The following APOL4 variants were observed in gnomAD, a reference collection of about 807,000 sequenced individuals.
APOL4 encodes the protein apolipoprotein L, 4.
Under a neutral mutation model 12.1 loss-of-function variants are expected in APOL4, and 14 were observed. That is an observed-to-expected ratio of 1.16 (90% CI 0.76 to 1.81). The LOEUF (loss-of-function observed/expected upper bound fraction) is 1.81, where lower values mean the gene tolerates loss of function less well. Among genes scored for constraint, APOL4 ranks in the 40% most tolerant of loss-of-function variants. APOL4 has a pLI of 0.00. For synonymous variants in APOL4, 171 were observed against 160.6 expected (o/e 1.06, Z -0.49); for missense variants, 432 against 423.1 (o/e 1.02, Z -0.18).
chr22:36,199,276 C>A (rs2014499559), intron 2 of APOL4, 54 bp downstream of exon 2: 3 of 1,608,822 alleles, frequency 1.9e-6, no homozygotes, highest in Non-Finnish European at 2.6e-6. Context: ...GGGTAGGAAC[C>A]AGCCAGGGAA....
chr22:36,204,677 C>A, upstream of APOL4: 1 of 737,308 alleles, frequency 1.4e-6, no homozygotes, highest in Non-Finnish European at 2.0e-6. Context: ...CTGGTCTGAG[C>A]TGTGTGGATC....
upstream of APOL4, chr22:36,202,060 G>A (rs771360530): frequency 1.4e-5 from 22 of 1,613,746 alleles, no homozygotes; most frequent in East Asian, 4.5e-5. Context: ...CTCCTCCTTG[G>A]GCAGGAAAAG....
Position 36,191,197 on chromosome 22 carries a change from A to G in APOL4, c.925T>C (p.Ser309Pro). Residue 309 changes from serine to proline, a missense_variant, in exon 4 of 4, where the codon TCA (serine) becomes CCA (proline). Ser to Pro is a moderately conservative substitution (Grantham distance 74). Transcript: ENST00000683024. ...TTTGCCCCCTTGTGCAAGTCCAGTG[A>G]GTCTTGCACAAGGTTGACTACATCC... ...VLDVVNLVQD[S>P]LDLHKGAKSE... is the part of the protein sequence containing the mutation. The G allele has an allele frequency of 1.2e-6, 2 of 1,613,836 alleles. No homozygotes were observed. Among genetic ancestry groups the G allele is most frequent in the Non-Finnish European group, 1.7e-6 (2 of 1,179,796 alleles).
At position 36,190,195 on chromosome 22, in the gene APOL4, G is replaced by A. The variant is rs1157475715; in HGVS notation, c.*880C>T. The A allele has an allele frequency of 7.9e-6, 1 of 127,204 alleles. No homozygotes were observed. The highest frequency in any genetic ancestry group is 1.6e-5 in the Non-Finnish European group (1 of 62,464). The allele number at this position is 127,204 out of a possible 1,614,324, so 7.9% of individuals were successfully genotyped here. On this transcript the variant is annotated 3_prime_UTR_variant, in exon 4 of 4. Coordinates refer to ENST00000683024, the MANE Select transcript of APOL4 (RefSeq NM_001386885.1). ...GTTTTTATTAGGGACTTTCAAAAGG[G>A]GAGGGAGTGTATGAATAGGGTGTGG...
Position 36,194,820 on chromosome 22 carries a change from C to T in APOL4, c.209+491G>A, listed in dbSNP as rs549346587. Among the ~76,000 whole-genome samples the T allele has an allele frequency of 8.3e-4, 126 of 152,332 alleles. 1 individual carries two copies. Among genetic ancestry groups the T allele is most frequent in the African/African-American group, 3.0e-3 (124 of 41,584 alleles). On this transcript the variant is annotated intron_variant, in intron 3 of 3. Coordinates refer to ENST00000683024, the MANE Select transcript of APOL4 (RefSeq NM_001386885.1). The stretch of plus-strand genomic sequence containing the variant: ...CCCAGACAGCATCTCCGGGAACACA[C>T]ATTGATCAGGTCAAGATTTTTCTGA...
At chr22:36,199,066 G>A (rs987598202) in intron 2 of APOL4, among the ~76,000 whole-genome samples, 1 of 152,224 alleles carries the variant, frequency 6.6e-6, no homozygotes, top group Admixed American at 6.5e-5. Flanking sequence ...TCATTTGCTA[G>A]GTGTCAGGGT....
In APOL4 at chr22:36,199,134, C is replaced by A. The variant is rs549074400; in HGVS notation, c.82+196G>T. ...CTGAGGAGAGGTCAGGATGCAGATG[C>A]CCCCCAGAACCCTGGGTCAGGGGAC... On this transcript the variant is annotated intron_variant, in intron 2 of 3. Transcript: ENST00000683024. 1.3e-4 allele frequency among the ~76,000 whole-genome samples: 20 copies of A among 152,298 alleles called. No individual in the cohort carries two copies. In the East Asian group the frequency reaches 3.7e-3, roughly 28 times the overall value.
intron 2 of APOL4, among the ~76,000 whole-genome samples, chr22:36,197,232 G>C (rs1241963915): frequency 6.6e-6 from 1 of 152,114 alleles, no homozygotes; most frequent in Admixed American, 6.5e-5. Flanking sequence ...CCCTCATCTT[G>C]GACAGGACTC....
rs28777729 is a variant in APOL4 at position 36,189,939 on chromosome 22, G to A, written c.*1136C>T. The A allele has an allele frequency of 8.1e-3, 1,666 of 205,794 alleles. 58 individuals are homozygous for A. Among genetic ancestry groups the A allele is most frequent in the Admixed American group, 0.052 (1,144 of 22,130 alleles). 12.7% of individuals were successfully genotyped at this position (205,794 alleles called of 1,614,324 possible). On this transcript the variant is annotated 3_prime_UTR_variant, in exon 4 of 4. Coordinates refer to ENST00000683024, the MANE Select transcript of APOL4 (RefSeq NM_001386885.1). ...CTAAAAAATGTCTGCGTTTTGTCCCGGCCTGTGTCTGGCTCACCTTCCCTG... is the reference window on the plus strand; with the variant it reads ...CTAAAAAATGTCTGCGTTTTGTCCCAGCCTGTGTCTGGCTCACCTTCCCTG...
intron 2 of APOL4, 24 bp downstream of exon 2, chr22:36,199,306 C>A (rs2014501037): frequency 6.2e-6 from 10 of 1,613,986 alleles, no homozygotes; most frequent in Non-Finnish European, 8.5e-6. Context: ...AGCCTACCAG[C>A]AGCCAGGTCT....
chr22:36,194,078 G>T (rs751804049), intron 3 of APOL4, among the ~76,000 whole-genome samples: 1 of 152,220 alleles, frequency 6.6e-6, no homozygotes, highest in Admixed American at 6.5e-5. Flanking sequence ...GGACAAGATG[G>T]TAGAGAAAGT....
chr22:36,202,608 C>A (rs1321173352), upstream of APOL4, among the ~76,000 whole-genome samples: 2 of 152,028 alleles, frequency 1.3e-5, no homozygotes, highest in African/African-American at 4.8e-5. Flanking sequence ...CGCCTGTAGT[C>A]CCAGCTACTC....
At chr22:36,204,701 TGCA>T, upstream of APOL4, 1 of 514,256 alleles carries the variant, frequency 1.9e-6, no homozygotes, top group Non-Finnish European at 3.2e-6. Context: ...CCTCCAGCTG[TGCA>T]CCTATATAAT....
chr22:36,199,583 T>A (rs1264864511), intron 1 of APOL4: 2 of 1,560,150 alleles, frequency 1.3e-6, no homozygotes, highest in Non-Finnish European at 1.7e-6. Flanking sequence ...TCCCTCACTC[T>A]CACACCAAGG....
intron 3 of APOL4, among the ~76,000 whole-genome samples, chr22:36,193,108 C>T (rs976305472): frequency 1.3e-5 from 2 of 152,208 alleles, no homozygotes; most frequent in East Asian, 1.9e-4. Context: ...TCTCTGATCA[C>T]GGTCTTCACC....
rs1357681894 is a variant in APOL4, at chr22:36,191,354, G to A, written c.768C>T (p.Arg256=). 9 of 1,613,918 alleles carry A rather than the reference G, an allele frequency of 5.6e-6. No homozygotes were observed. The highest frequency in any genetic ancestry group is 1.3e-5 in the African/African-American group (1 of 74,918). Residue 256 remains arginine (R), a synonymous_variant, in exon 4 of 4, where the codon CGC becomes CGT. Transcript: ENST00000683024. The part of the protein sequence containing the change: ...TLRRSKATVG[R]PLIAWRYVPI... ...GTACATATCGCCAAGCAATCAAAGG[G>A]CGTCCAACAGTGGCTTTAGATCTCC...
At chr22:36,198,588 G>A (rs1345542496) in intron 2 of APOL4, among the ~76,000 whole-genome samples, 1 of 152,200 alleles carries the variant, frequency 6.6e-6, no homozygotes, top group South Asian at 2.1e-4. Context: ...TCGGGAAGGG[G>A]GTGGCTTCCA....
Position 36,191,607 on chromosome 22 carries a change from C to A in APOL4, c.515G>T (p.Gly172Val). Residue 172 changes from glycine to valine, a missense_variant, in exon 4 of 4, where the codon GGG becomes GTG. Gly to Val is a moderately radical substitution (Grantham distance 109, BLOSUM62 -3). Coordinates refer to ENST00000683024, the MANE Select transcript of APOL4 (RefSeq NM_001386885.1). ...GGCAGATGCTATTCCCAGCCCTACC[C>A]CAGCTGCAGTAATGCTCAGGCTCAG... ...AGLSLSITAA[G>V]VGLGIASATA... The A allele has an allele frequency of 6.2e-7, 1 of 1,613,638 alleles. No individual in the cohort carries two copies. Among genetic ancestry groups the A allele is most frequent in the Non-Finnish European group, 8.5e-7 (1 of 1,179,680 alleles).
intron 1 of APOL4, among the ~76,000 whole-genome samples, chr22:36,201,196 A>G (rs928094060): frequency 9.3e-5 from 14 of 150,832 alleles, no homozygotes; most frequent in African/African-American, 3.2e-4. Context: ...GGGCGGCTCC[A>G]AGCATTACCA....
Sources: allele counts gnomAD v4.1 joint callset (sites outside exome capture counted in the v4.1 genomes callset), GRCh38; gene constraint gnomAD v4.1.1; transcripts MANE v1.5; gene names NCBI Gene and HGNC (gene_info 2026-07-23, HGNC 2026-07-21).